Variants in PDE8A observed in about 807,000 individuals in gnomAD.
PDE8A encodes the protein high affinity cAMP-specific and IBMX-insensitive 3',5'-cyclic phosphodiesterase 8A.
In PDE8A, 59 loss-of-function variants were observed where a neutral mutation model predicts 105.0. The observed-to-expected ratio is 0.56, with a 90% CI of 0.46 to 0.70. The LOEUF (loss-of-function observed/expected upper bound fraction) is 0.70, where lower values mean the gene tolerates loss of function less well. PDE8A is among the 30% of genes least tolerant of loss of function. The pLI is 0.00. For missense variants in PDE8A, 1,014 were observed against 1,045.9 expected (o/e 0.97, Z 0.42); for synonymous variants, 355 against 371.9 (o/e 0.95, Z 0.52).
intron 1 of PDE8A, among the ~76,000 whole-genome samples, chr15:85,030,462 G>T (rs1036352782): frequency 6.6e-6 from 1 of 152,076 alleles, no homozygotes; most frequent in Non-Finnish European, 1.5e-5. Context: ...TGTAGGAGCA[G>T]CTCTAAAAAC....
chr15:85,064,812 A>G (rs888668371), intron 2 of PDE8A, among the ~76,000 whole-genome samples: 4 of 151,936 alleles, frequency 2.6e-5, no homozygotes, highest in African/African-American at 9.7e-5. Flanking sequence ...CAACAACAGC[A>G]ACAATAAATT....
intron 1 of PDE8A, among the ~76,000 whole-genome samples, chr15:85,010,899 T>C (rs1265393956): frequency 6.6e-6 from 1 of 152,092 alleles, no homozygotes; most frequent in African/African-American, 2.4e-5. Flanking sequence ...GTCGTGTTCC[T>C]GAGAGTGAAG....
At chr15:85,100,301 C>T (rs1470853190) in intron 11 of PDE8A, 103 bp downstream of exon 11, 2 of 1,024,182 alleles carry the variant, frequency 2.0e-6, no homozygotes, top group African/African-American at 1.6e-5. Flanking sequence ...TGGGATTTTC[C>T]TCAGACTGTG....
At chr15:85,031,548 T>C (rs1042460465) in intron 1 of PDE8A, among the ~76,000 whole-genome samples, 9 of 152,162 alleles carry the variant, frequency 5.9e-5, no homozygotes, top group East Asian at 5.8e-4. Context: ...TGAGTTTCCA[T>C]AGCTGTTTAT....
chr15:85,023,105 G>A (rs2080456040), intron 1 of PDE8A, among the ~76,000 whole-genome samples: 1 of 152,206 alleles, frequency 6.6e-6, no homozygotes, highest in Non-Finnish European at 1.5e-5. Context: ...TTCAGGTTAT[G>A]AGTAGGCAAA....
chr15:85,022,046 T>G (rs997854368), intron 1 of PDE8A, among the ~76,000 whole-genome samples: 1 of 152,228 alleles, frequency 6.6e-6, no homozygotes, highest in Non-Finnish European at 1.5e-5. Flanking sequence ...ATACAAATTC[T>G]CTTAATCATT....
intron 8 of PDE8A, among the ~76,000 whole-genome samples, chr15:85,092,968 C>T (rs2081672237): frequency 2.0e-5 from 3 of 151,642 alleles, no homozygotes; most frequent in Admixed American, 2.0e-4. Flanking sequence ...GTCACCCAAG[C>T]CGGAATGCAG....
chr15:85,057,386 C>G (rs1372332703), intron 1 of PDE8A, among the ~76,000 whole-genome samples: 14 of 152,198 alleles, frequency 9.2e-5, no homozygotes, highest in Admixed American at 9.2e-4. Flanking sequence ...GCCTTTTGTT[C>G]AGCTATGCCC....
intron 3 of PDE8A, among the ~76,000 whole-genome samples, chr15:85,072,391 A>G (rs116861222): frequency 0.02 from 2,984 of 152,240 alleles, 50 homozygotes; most frequent in Non-Finnish European, 0.034. Context: ...CCCAGTATCC[A>G]TTTCTATTCT....
chr15:85,095,843 G>A (rs1005810445), intron 8 of PDE8A, among the ~76,000 whole-genome samples: 1 of 149,646 alleles, frequency 6.7e-6, no homozygotes, highest in Non-Finnish European at 1.5e-5. Context: ...TATTCAGAAA[G>A]GACAAGAAGA....
At chr15:85,081,406 C>A (rs1376398208) in intron 5 of PDE8A, among the ~76,000 whole-genome samples, 1 of 152,076 alleles carries the variant, frequency 6.6e-6, no homozygotes, top group Admixed American at 6.5e-5. Flanking sequence ...TTTCAAATTG[C>A]AGATAATTCT....
At chr15:85,131,707 T>C (rs2082332415) in intron 20 of PDE8A, among the ~76,000 whole-genome samples, 1 of 152,238 alleles carries the variant, frequency 6.6e-6, no homozygotes, top group Non-Finnish European at 1.5e-5. Flanking sequence ...CAGAGATCTT[T>C]ATATCAAGTT....
At chr15:85,045,386 T>C (rs977762087) in intron 1 of PDE8A, among the ~76,000 whole-genome samples, 8 of 152,002 alleles carry the variant, frequency 5.3e-5, no homozygotes, top group African/African-American at 1.4e-4. Context: ...AGACTTTTCC[T>C]AATAGAGCAT....
intron 18 of PDE8A, among the ~76,000 whole-genome samples, chr15:85,122,063 A>G (rs2082191200): frequency 6.6e-6 from 1 of 152,126 alleles, no homozygotes; most frequent in South Asian, 2.1e-4. Context: ...CTCAGCATAC[A>G]TCTCCTTGGC....
chr15:84,982,246 C>T lies in PDE8A; in HGVS notation c.84C>T (p.Ser28=). 1 of 1,459,476 alleles carries T rather than the reference C, an allele frequency of 6.9e-7. No homozygotes were observed. The highest frequency in any genetic ancestry group is 9.0e-7 in the Non-Finnish European group (1 of 1,114,434). 90.4% of individuals were successfully genotyped at this position (1,459,476 alleles called of 1,614,324 possible). Residue 28 remains serine, a synonymous_variant, in exon 1 of 22, where the codon TCC becomes TCT. Transcript: ENST00000394553. ...APSPAAPPLS[S]GGPRLPQGQK... is the part of the protein sequence containing the mutation. ...GCCCCGCGGCACCGCCGCTGTCGTC[C>T]GGCGGGCCGCGCCTCCCGCAGGGCC...
chr15:84,981,558 C>T (rs570653192), upstream of PDE8A, among the ~76,000 whole-genome samples: 2 of 152,294 alleles, frequency 1.3e-5, no homozygotes, highest in East Asian at 3.9e-4. Context: ...GCCTAAACCC[C>T]GGCCAGCGGG....
At chr15:85,098,610 C>T (rs2081801076) in intron 9 of PDE8A, among the ~76,000 whole-genome samples, 1 of 151,970 alleles carries the variant, frequency 6.6e-6, no homozygotes, top group South Asian at 2.1e-4. Flanking sequence ...ATATTGCAGC[C>T]ATTAGAAATG....
chr15:85,115,645 A>G, intron 15 of PDE8A, 158 bp downstream of exon 15: 1 of 563,430 alleles, frequency 1.8e-6, no homozygotes. Flanking sequence ...TGTCCTCCCT[A>G]AGAAACAGTT....
At chr15:85,057,221 C>G (rs567151277) in intron 1 of PDE8A, among the ~76,000 whole-genome samples, 52 of 152,286 alleles carry the variant, frequency 3.4e-4, no homozygotes, top group Non-Finnish European at 1.5e-4. Context: ...TTGGCCCCTA[C>G]TGGAAGATGT....
Sources: gnomAD v4.1 joint callset for allele counts (sites outside exome capture counted in the v4.1 genomes callset) on GRCh38, gnomAD v4.1.1 for gene constraint, MANE v1.5 for transcripts, NCBI Gene and HGNC (gene_info 2026-07-23, HGNC 2026-07-21) for gene names.